Variants in TSPAN7 observed in about 807,000 individuals in gnomAD.
TSPAN7 encodes tetraspanin-7.
A neutral mutation model predicts 17.6 loss-of-function variants in TSPAN7; 1 was observed. The observed-to-expected ratio is 0.06, with a 90% CI of 0.02 to 0.27. The LOEUF (loss-of-function observed/expected upper bound fraction) is 0.27. TSPAN7 is among the 10% of genes least tolerant of loss of function. The probability of loss-of-function intolerance (pLI) is 1.00; values close to 1 mark genes in which losing one functional copy is unlikely to be tolerated. For synonymous variants in TSPAN7, 78 were observed against 79.0 expected, an observed-to-expected ratio of 0.99 and a Z score of 0.07; for missense variants, 112 against 201.7, an observed-to-expected ratio of 0.56 and a Z score of 2.69.
intron 1 of TSPAN7, among the ~76,000 whole-genome samples, chrX:38,589,190 A>G (rs2069276533): frequency 8.9e-6 from 1 of 112,081 alleles, no homozygotes; most frequent in Non-Finnish European, 1.9e-5. Flanking sequence ...AGAGCAGTGC[A>G]AAACTTTCAA....
intron 1 of TSPAN7, among the ~76,000 whole-genome samples, chrX:38,584,951 A>G (rs1029277446): frequency 1.8e-5 from 2 of 112,355 alleles, no homozygotes; most frequent in Non-Finnish European, 3.8e-5. Context: ...TGAACATTAT[A>G]TAAATTGAAT....
rs374150443 is a variant in TSPAN7, at chrX:38,647,798, C to T, written c.82-18323C>T. Among the ~76,000 whole-genome samples, 10 of 111,880 alleles carry T rather than the reference C, an allele frequency of 8.9e-5. No individual in the cohort carries two copies. The East Asian group carries it at 1.7e-3, about 19-fold the overall frequency. ...AGTCACAGATTGAGTCCTGTGGTTCCGGCAGCTTGTCAACTCTGGTTGCTA... is the reference window on the plus strand; with the variant it reads ...AGTCACAGATTGAGTCCTGTGGTTCTGGCAGCTTGTCAACTCTGGTTGCTA... On this transcript the variant is annotated intron_variant, in intron 1 of 7. Coordinates refer to ENST00000378482, the MANE Select transcript of TSPAN7 (RefSeq NM_004615.4).
At chrX:38,655,565 G>A (rs866817256) in intron 1 of TSPAN7, among the ~76,000 whole-genome samples, 42 of 110,503 alleles carry the variant, frequency 3.8e-4, no homozygotes, top group African/African-American at 1.3e-3. Flanking sequence ...CTATTTATAT[G>A]AGAATCTTGC....
chrX:38,668,184 A>G (rs2069795454), intron 2 of TSPAN7, among the ~76,000 whole-genome samples: 1 of 112,198 alleles, frequency 8.9e-6, no homozygotes, highest in Non-Finnish European at 1.9e-5. Context: ...CTTTGTCTCC[A>G]ATTGTAACAA....
chrX:38,661,681 T>C (rs2069746049), intron 1 of TSPAN7, among the ~76,000 whole-genome samples: 1 of 111,783 alleles, frequency 8.9e-6, no homozygotes, highest in Admixed American at 9.5e-5. Context: ...TGCTGGTCAA[T>C]TCTTCTGAGA....
chrX:38,658,741 G>A (rs754642003), intron 1 of TSPAN7, among the ~76,000 whole-genome samples: 12 of 110,971 alleles, frequency 1.1e-4, no homozygotes, highest in Admixed American at 9.6e-5. Flanking sequence ...CTCACCTGCA[G>A]CTCTGACTTA....
intron 1 of TSPAN7, among the ~76,000 whole-genome samples, chrX:38,564,714 C>T (rs1341400854): frequency 8.9e-6 from 1 of 112,148 alleles, no homozygotes; most frequent in African/African-American, 3.2e-5. Context: ...GTATGAATTT[C>T]CCTGATGTGT....
intron 1 of TSPAN7, among the ~76,000 whole-genome samples, chrX:38,569,649 TTC>T (rs1350911823): frequency 3.6e-5 from 4 of 111,711 alleles, no homozygotes; most frequent in Non-Finnish European, 7.5e-5. Flanking sequence ...TATTTTGTGC[TTC>T]TCTCACAGCT....
chrX:38,588,053 T>A (rs887658768), intron 1 of TSPAN7, among the ~76,000 whole-genome samples: 1 of 111,408 alleles, frequency 9.0e-6, no homozygotes, highest in Non-Finnish European at 1.9e-5. Context: ...TTGCTATAAT[T>A]GGAGCTTGAG....
intron 1 of TSPAN7, among the ~76,000 whole-genome samples, chrX:38,601,772 G>T (rs2069348378): frequency 9.0e-6 from 1 of 111,719 alleles, no homozygotes. Flanking sequence ...TTGGTAGTAT[G>T]GGCTTGACTC....
chrX:38,676,323 T>C (rs6520525), intron 5 of TSPAN7, among the ~76,000 whole-genome samples: 4,090 of 110,956 alleles, frequency 0.037, 194 homozygotes, highest in African/African-American at 0.13. Flanking sequence ...TTTACTGCCA[T>C]AGGAAAAGAA....
intron 6 of TSPAN7, among the ~76,000 whole-genome samples, chrX:38,686,265 T>G (rs988969103): frequency 1.8e-5 from 2 of 112,195 alleles, no homozygotes; most frequent in Non-Finnish European, 1.9e-5. Flanking sequence ...ACAATTTTAA[T>G]TTGAAAAAGG....
intron 1 of TSPAN7, among the ~76,000 whole-genome samples, chrX:38,574,698 G>A (rs1009737978): frequency 9.0e-6 from 1 of 110,862 alleles, no homozygotes; most frequent in Non-Finnish European, 1.9e-5. Context: ...GGAGGGGGAG[G>A]AGATGGTACT....
rs995764894 is a variant in TSPAN7, at chrX:38,622,475, G to A, written c.82-43646G>A. 5.3e-5 allele frequency among the ~76,000 whole-genome samples: 6 copies of A among 112,242 alleles called. No individual in the cohort carries two copies. The East Asian group carries it at 1.7e-3, about 31-fold the overall frequency. ...AGTTGGGAGCGTCGCTTGAGCCCAG[G>A]AGTTCTGAGCTGCAGTGAGCTGTGG... On this transcript the variant is annotated intron_variant, in intron 1 of 7. Coordinates refer to ENST00000378482, the MANE Select transcript of TSPAN7 (RefSeq NM_004615.4).
intron 1 of TSPAN7, among the ~76,000 whole-genome samples, chrX:38,627,812 G>A (rs1318298159): frequency 8.8e-6 from 1 of 113,351 alleles, no homozygotes; most frequent in Non-Finnish European, 1.9e-5. Flanking sequence ...TCTGGCATAT[G>A]ATGGCACAGA....
At chrX:38,610,675 T>C (rs757708270) in intron 1 of TSPAN7, among the ~76,000 whole-genome samples, 3 of 111,656 alleles carry the variant, frequency 2.7e-5, no homozygotes, top group Non-Finnish European at 5.7e-5. Flanking sequence ...TGGCCAATAT[T>C]TTATCAGAAA....
At chrX:38,656,043 C>A (rs1035418385) in intron 1 of TSPAN7, 15 of 324,214 alleles carry the variant, frequency 4.6e-5, no homozygotes, top group Admixed American at 3.8e-4. Context: ...TAAAAGGGAG[C>A]TGAATTTGAA....
intron 1 of TSPAN7, among the ~76,000 whole-genome samples, chrX:38,604,464 G>A (rs1223140443): frequency 2.7e-5 from 3 of 110,213 alleles, no homozygotes; most frequent in East Asian, 5.8e-4. Context: ...TTCCACAAGG[G>A]TTGAACTAGT....
At chrX:38,670,254 A>G (rs68083641) in intron 2 of TSPAN7, among the ~76,000 whole-genome samples, 3,493 of 112,042 alleles carry the variant, frequency 0.031, 137 homozygotes, top group African/African-American at 0.11. Flanking sequence ...GTTCAAAACC[A>G]TTATATTTCA....
Sources: gnomAD v4.1 joint callset for allele counts (sites outside exome capture counted in the v4.1 genomes callset) on GRCh38, gnomAD v4.1.1 for gene constraint, MANE v1.5 for transcripts, NCBI Gene and HGNC (gene_info 2026-07-23, HGNC 2026-07-21) for gene names.